ATXN7L1: variants seen among roughly 807,000 people sequenced by gnomAD.
ATXN7L1 encodes ataxin-7-like protein 1.
A neutral mutation model predicts 70.8 loss-of-function variants in ATXN7L1; 15 were observed. The ratio of observed to expected loss-of-function variants is 0.21; its 90% confidence interval spans 0.14 to 0.33. The LOEUF (loss-of-function observed/expected upper bound fraction) is 0.33. Ranked by LOEUF, ATXN7L1 falls within the 10% of genes least tolerant of loss-of-function variation. The pLI, the probability that ATXN7L1 is intolerant of heterozygous loss-of-function variation, is 1.00. For missense variants in ATXN7L1, 975 were observed against 1,097.1 expected, an observed-to-expected ratio of 0.89 and a Z score of 1.57; for synonymous variants, 440 against 445.1, an observed-to-expected ratio of 0.99 and a Z score of 0.14.
chr7:105,758,397 C>T (rs983826594), intron 3 of ATXN7L1, among the ~76,000 whole-genome samples: 1 of 152,246 alleles, frequency 6.6e-6, no homozygotes, highest in African/African-American at 2.4e-5. Flanking sequence ...TCAGTCAGAG[C>T]AGGAGCTAGA....
At chr7:105,761,108 A>C (rs1355365075) in intron 3 of ATXN7L1, 1 of 1,095,382 alleles carries the variant, frequency 9.1e-7, no homozygotes, top group Admixed American at 4.8e-5. Context: ...AGGCTTTTGC[A>C]GTTGTCCAGG....
chr7:105,874,701 G>A (rs567243865), intron 2 of ATXN7L1, among the ~76,000 whole-genome samples: 2 of 152,300 alleles, frequency 1.3e-5, no homozygotes, highest in South Asian at 2.1e-4. Flanking sequence ...TCAGTGGATG[G>A]TCAGGAAATG....
Position 105,620,258 on chromosome 7 carries a change from G to A in ATXN7L1, c.1459C>T (p.Arg487Cys). 3.2e-6 allele frequency: 5 copies of A among 1,551,298 alleles called. No individual in the cohort carries two copies. The highest frequency in any genetic ancestry group is 4.4e-6 in the Non-Finnish European group (5 of 1,146,730). ...ATGGAGTTTAGTGCGAATCGAAAAC[G>A]ATCCCATCTTCTATCAAACACATAG... is the stretch of plus-strand genomic sequence containing the variant. Reference protein sequence around the residue: ...GYYVFDRRWDRFRFALNSMVE... With the variant: ...GYYVFDRRWDCFRFALNSMVE... The change falls in exon 9 of 12, where the codon CGT becomes TGT. Residue 487 changes from arginine (R) to cysteine (C), a missense_variant. By Grantham distance (180) the Arg-to-Cys change is radical. Coordinates refer to ENST00000419735, the MANE Select transcript of ATXN7L1 (RefSeq NM_020725.2).
intron 9 of ATXN7L1, among the ~76,000 whole-genome samples, chr7:105,615,615 C>T (rs1394681109): frequency 6.6e-6 from 1 of 152,198 alleles, no homozygotes; most frequent in Non-Finnish European, 1.5e-5. Flanking sequence ...TGGGGTGTGG[C>T]TGCTGACCAC....
At chr7:105,762,265 G>A (rs1800651890) in intron 3 of ATXN7L1, among the ~76,000 whole-genome samples, 1 of 152,160 alleles carries the variant, frequency 6.6e-6, no homozygotes. Flanking sequence ...TTTACTCCTT[G>A]ACACCCTTCT....
At chr7:105,716,472 C>A (rs1250567848) in intron 3 of ATXN7L1, among the ~76,000 whole-genome samples, 1 of 152,026 alleles carries the variant, frequency 6.6e-6, no homozygotes, top group Admixed American at 6.6e-5. Context: ...AAAACAAAAC[C>A]AAACCAAACA....
chr7:105,841,897 C>A (rs929929820), intron 2 of ATXN7L1, among the ~76,000 whole-genome samples: 3 of 152,172 alleles, frequency 2.0e-5, no homozygotes, highest in Admixed American at 6.5e-5. Flanking sequence ...AGGGGGACTA[C>A]TGGACTAATG....
chr7:105,782,398 GT>G (rs1268017720), intron 3 of ATXN7L1, among the ~76,000 whole-genome samples: 2 of 152,306 alleles, frequency 1.3e-5, no homozygotes, highest in African/African-American at 2.4e-5. Context: ...GTGGGGAGAA[GT>G]TTAAAAAGTG....
intron 9 of ATXN7L1, among the ~76,000 whole-genome samples, chr7:105,615,491 G>A (rs1008668273): frequency 2.0e-5 from 3 of 152,200 alleles, no homozygotes; most frequent in East Asian, 1.9e-4. Flanking sequence ...TGGCTGGGCC[G>A]TGGAGGGTTA....
At chr7:105,651,543 T>C (rs569652711) in intron 4 of ATXN7L1, among the ~76,000 whole-genome samples, 1 of 152,138 alleles carries the variant, frequency 6.6e-6, no homozygotes, top group Admixed American at 6.5e-5. Context: ...CAGCAGAGGG[T>C]GGGAGCAGCA....
chr7:105,763,049 C>T (rs188765959), intron 3 of ATXN7L1, among the ~76,000 whole-genome samples: 2 of 152,240 alleles, frequency 1.3e-5, no homozygotes, highest in Admixed American at 6.5e-5. Context: ...GACTCTGAGC[C>T]GAACCACACA....
rs778733917 is a variant in ATXN7L1, at chr7:105,614,780, C to T, written c.1554G>A (p.Ser518=). The T allele has an allele frequency of 1.3e-5, 20 of 1,551,152 alleles. No homozygotes were observed. Among genetic ancestry groups the T allele is most frequent in the Middle Eastern group, 1.7e-4 (1 of 6,014 alleles). ...IPPAADSPLP[S]PAAHITTPVP... is the part of the protein sequence containing the mutation. ...CGGGGGTGGTGATGTGGGCTGCTGG[C>T]GAGGGCAGGGGGCTATCTGCCGCAG... Residue 518 remains serine, a synonymous_variant, in exon 10 of 12, where the codon TCG becomes TCA. Coordinates refer to ENST00000419735, the MANE Select transcript of ATXN7L1 (RefSeq NM_020725.2). The surrounding 1 kb of genome is among the most constrained non-coding windows in gnomAD (Gnocchi z 4.3).
intron 3 of ATXN7L1, among the ~76,000 whole-genome samples, chr7:105,716,725 C>T (rs1228677824): frequency 1.7e-5 from 2 of 118,990 alleles, no homozygotes; most frequent in Admixed American, 1.7e-4. Context: ...ACACACAGTA[C>T]AAAAATTAGC....
At chr7:105,760,413 C>A in intron 3 of ATXN7L1, 1 of 979,888 alleles carries the variant, frequency 1.0e-6, no homozygotes, top group Non-Finnish European at 1.2e-6. Flanking sequence ...GCACAGCCAG[C>A]AGGTGGCAGG....
chr7:105,839,146 T>C (rs1812833521), intron 2 of ATXN7L1, among the ~76,000 whole-genome samples: 1 of 152,198 alleles, frequency 6.6e-6, no homozygotes, highest in Non-Finnish European at 1.5e-5. Flanking sequence ...TACAGAGGTT[T>C]TTCCTTTTAC....
At chr7:105,874,182 C>A (rs1480120300) in intron 2 of ATXN7L1, among the ~76,000 whole-genome samples, 1 of 148,246 alleles carries the variant, frequency 6.7e-6, no homozygotes, top group African/African-American at 2.5e-5. Flanking sequence ...CTGAGAACAA[C>A]AGTCTTCTGA....
intron 2 of ATXN7L1, among the ~76,000 whole-genome samples, chr7:105,868,352 G>A (rs1394828484): frequency 6.6e-6 from 1 of 152,126 alleles, no homozygotes; most frequent in African/African-American, 2.4e-5. Flanking sequence ...CTGTGTCCCT[G>A]GTGTCTAGCC....
intron 3 of ATXN7L1, among the ~76,000 whole-genome samples, chr7:105,704,235 G>A (rs1236198358): frequency 6.6e-6 from 1 of 152,180 alleles, no homozygotes; most frequent in Admixed American, 6.5e-5. Context: ...AAGCAGAGAC[G>A]GGGTCTGTCT....
intron 2 of ATXN7L1, among the ~76,000 whole-genome samples, chr7:105,855,305 C>CACAGACAA (rs1815563790): frequency 1.3e-5 from 2 of 152,214 alleles, no homozygotes; most frequent in Non-Finnish European, 2.9e-5. Context: ...AGTGCAAAAG[C>CACAGACAA]TAGCACAGAC....
Sources: gnomAD v4.1 joint callset for allele counts (sites outside exome capture counted in the v4.1 genomes callset) on GRCh38, gnomAD v4.1.1 for gene constraint, Gnocchi (gnomAD v3.1) non-coding constraint, MANE v1.5 for transcripts, NCBI Gene and HGNC (gene_info 2026-07-23, HGNC 2026-07-21) for gene names.